BTBD9: variants seen among roughly 807,000 people sequenced by gnomAD.
BTBD9 encodes the protein BTB domain containing 9, also known as BTB/POZ domain-containing protein 9.
A neutral mutation model predicts 64.3 loss-of-function variants in BTBD9; 49 were observed. The observed-to-expected ratio is 0.76, with a 90% confidence interval of 0.61 to 0.97. The LOEUF is 0.97. BTBD9 is among the 50% of genes least tolerant of loss of function. The pLI is 0.00. For missense variants in BTBD9, 598 were observed against 762.1 expected (o/e 0.78, Z 2.53); for synonymous variants, 260 against 274.7 (o/e 0.95, Z 0.53).
chr6:38,589,164 T>A (rs945888645), intron 4 of BTBD9, among the ~76,000 whole-genome samples: 1 of 152,180 alleles, frequency 6.6e-6, no homozygotes, highest in Non-Finnish European at 1.5e-5. Flanking sequence ...GAATTTAACA[T>A]TGATGAACAA....
At chr6:38,385,935 C>G (rs1020176843) in intron 6 of BTBD9, among the ~76,000 whole-genome samples, 1 of 151,754 alleles carries the variant, frequency 6.6e-6, no homozygotes, top group Non-Finnish European at 1.5e-5. Flanking sequence ...GCTGGGACTA[C>G]AGGTGCATGC....
intron 6 of BTBD9, among the ~76,000 whole-genome samples, chr6:38,432,862 C>T (rs933535498): frequency 2.0e-5 from 3 of 151,958 alleles, no homozygotes; most frequent in African/African-American, 7.3e-5. Context: ...TGAGTGATAC[C>T]TCCAGTTCTG....
intron 1 of BTBD9, among the ~76,000 whole-genome samples, chr6:38,627,710 T>C (rs1417221623): frequency 6.6e-6 from 1 of 152,148 alleles, no homozygotes; most frequent in Non-Finnish European, 1.5e-5. Flanking sequence ...TTTGTACCAT[T>C]TTTATAAATT....
chr6:38,345,319 A>G (rs542054263), intron 6 of BTBD9, among the ~76,000 whole-genome samples: 1 of 152,250 alleles, frequency 6.6e-6, no homozygotes, highest in African/African-American at 2.4e-5. Flanking sequence ...GCAGGGAATT[A>G]AGTAGAACTT....
At chr6:38,416,600 TC>T (rs1767678825) in intron 6 of BTBD9, among the ~76,000 whole-genome samples, 1 of 146,560 alleles carries the variant, frequency 6.8e-6, no homozygotes, top group African/African-American at 2.5e-5. Flanking sequence ...TGCCTCAGCC[TC>T]CCAAAGTGCT....
At chr6:38,470,434 A>C (rs1770599525) in intron 6 of BTBD9, among the ~76,000 whole-genome samples, 1 of 152,190 alleles carries the variant, frequency 6.6e-6, no homozygotes, top group Non-Finnish European at 1.5e-5. Context: ...CATAGGTTGA[A>C]GACGGACTGG....
rs148959160 is a variant in BTBD9 at position 38,240,892 on chromosome 6, A to G, written c.1562+15517T>C. 1.6e-3 allele frequency among the ~76,000 whole-genome samples: 244 copies of G among 152,316 alleles called. 1 individual carries two copies. Among genetic ancestry groups the G allele is most frequent in the African/African-American group, 5.4e-3 (225 of 41,566 alleles). On this transcript the variant is annotated intron_variant, in intron 9 of 10. Transcript: ENST00000481247. ...CGCTCAAACGGGCAGAGGCTGTGAT[A>G]GGAGGGGCTCAGTGGTGCTCCGAGA...
chr6:38,300,454 T>C (rs1762346199), intron 7 of BTBD9, among the ~76,000 whole-genome samples: 1 of 152,202 alleles, frequency 6.6e-6, no homozygotes, highest in Non-Finnish European at 1.5e-5. Context: ...TTGGGCAGTG[T>C]GACCATTTTC....
chr6:38,182,750 G>A (rs757294677), intron 10 of BTBD9, among the ~76,000 whole-genome samples: 6 of 152,182 alleles, frequency 3.9e-5, no homozygotes, highest in Non-Finnish European at 8.8e-5. Flanking sequence ...GTCTCCATGC[G>A]TCTCACTGCT....
chr6:38,195,235 T>C (rs1762236115), intron 9 of BTBD9, among the ~76,000 whole-genome samples: 1 of 152,242 alleles, frequency 6.6e-6, no homozygotes, highest in African/African-American at 2.4e-5. Context: ...AGGAGCTGCC[T>C]TGGCTGAGAT....
At chr6:38,588,508 A>C in intron 4 of BTBD9, 2 of 828,232 alleles carry the variant, frequency 2.4e-6, no homozygotes, top group Non-Finnish European at 3.7e-6. Context: ...GCTATACCAA[A>C]CCTGGACCTG....
intron 1 of BTBD9, among the ~76,000 whole-genome samples, chr6:38,598,380 T>C (rs997051907): frequency 1.3e-5 from 2 of 152,058 alleles, no homozygotes; most frequent in African/African-American, 4.8e-5. Context: ...GCCATCACAG[T>C]CTAGAAAACT....
intron 6 of BTBD9, among the ~76,000 whole-genome samples, chr6:38,348,750 T>C (rs1002018458): frequency 2.7e-4 from 41 of 152,140 alleles, no homozygotes; most frequent in African/African-American, 8.9e-4. Flanking sequence ...TGGGATTCTG[T>C]CTTCTTTAAT....
At chr6:38,581,655 A>T (rs1776288445) in intron 4 of BTBD9, among the ~76,000 whole-genome samples, 1 of 152,204 alleles carries the variant, frequency 6.6e-6, no homozygotes, top group Non-Finnish European at 1.5e-5. Flanking sequence ...AAAGATATTA[A>T]GAGCTTGAAG....
At chr6:38,619,315 C>T (rs1044997377) in intron 1 of BTBD9, among the ~76,000 whole-genome samples, 2 of 151,968 alleles carry the variant, frequency 1.3e-5, no homozygotes, top group East Asian at 3.9e-4. Context: ...AGGAACAGGC[C>T]AAAAAGGAAA....
chr6:38,441,596 T>C (rs1015382455), intron 6 of BTBD9, among the ~76,000 whole-genome samples: 2 of 152,006 alleles, frequency 1.3e-5, no homozygotes, highest in Non-Finnish European at 2.9e-5. Flanking sequence ...AAAATTTTTT[T>C]TCATAGAAAC....
chr6:38,508,097 T>C (rs1333556292), intron 6 of BTBD9, among the ~76,000 whole-genome samples: 6 of 152,156 alleles, frequency 3.9e-5, no homozygotes, highest in African/African-American at 1.4e-4. Context: ...CCTCCCAAAG[T>C]GCTGGGATTA....
chr6:38,619,424 C>T (rs904480088), intron 1 of BTBD9, among the ~76,000 whole-genome samples: 1 of 152,138 alleles, frequency 6.6e-6, no homozygotes, highest in Non-Finnish European at 1.5e-5. Flanking sequence ...CCAATAACCC[C>T]GTATGGCTTG....
At chr6:38,299,254 C>T (rs937368904) in intron 7 of BTBD9, among the ~76,000 whole-genome samples, 1 of 152,144 alleles carries the variant, frequency 6.6e-6, no homozygotes, top group Non-Finnish European at 1.5e-5. Context: ...TCCAGTCTAT[C>T]ATTGTTGGAC....
Sources: gnomAD v4.1 joint callset for allele counts (sites outside exome capture counted in the v4.1 genomes callset) on GRCh38, gnomAD v4.1.1 for gene constraint, MANE v1.5 for transcripts, NCBI Gene and HGNC (gene_info 2026-07-23, HGNC 2026-07-21) for gene names.